The following RRP36 variants were observed in gnomAD, a reference collection of about 807,000 sequenced individuals.
RRP36 encodes ribosomal RNA processing 36, also known as ribosomal RNA processing protein 36 homolog.
Under a neutral mutation model 39.8 loss-of-function variants are expected in RRP36, and 44 were observed. That is an observed-to-expected ratio of 1.10 (90% confidence interval 0.87 to 1.42). RRP36 has a LOEUF of 1.42. RRP36 is among the 40% of genes most tolerant of loss of function. The pLI is 0.00. For synonymous variants in RRP36, 124 were observed against 123.1 expected (o/e 1.01, Z -0.05); for missense variants, 316 against 322.4 (o/e 0.98, Z 0.15).
chr6:43,027,086 A>G (rs989320439), intron 4 of RRP36, 92 bp from the exon 5 acceptor site: 14 of 1,062,552 alleles, frequency 1.3e-5, no homozygotes, highest in Non-Finnish European at 1.9e-5. Context: ...GTGTGTGTGT[A>G]TGTGTGTGAA....
intron 1 of RRP36, among the ~76,000 whole-genome samples, chr6:43,024,565 G>A (rs1762777179): frequency 6.6e-6 from 1 of 152,180 alleles, no homozygotes; most frequent in Non-Finnish European, 1.5e-5. Context: ...GCTTTGAGAG[G>A]AGTGAGGCTG....
rs781279874 is a variant in RRP36, at chr6:43,025,024, A to C, written c.170A>C (p.Gln57Pro). ...TCATTTGAGGAGCTGTTGGAATTGC[A>C]GAGCCAAGTGGGGACTAAGACGTAC... The part of the protein sequence containing the change: ...NMSFEELLEL[Q>P]SQVGTKTYKQ... The change falls in exon 2 of 7, where the codon CAG (glutamine) becomes CCG (proline). Residue 57 changes from glutamine (Q) to proline (P), a missense_variant. Gln to Pro is a moderately conservative substitution (Grantham distance 76). Transcript: ENST00000244496. 1 of 1,614,204 alleles carries C rather than the reference A, an allele frequency of 6.2e-7. No individual in the cohort carries two copies.
chr6:43,027,670 C>T (rs1581887756), intron 6 of RRP36, among the ~76,000 whole-genome samples, 193 bp downstream of exon 6: 1 of 149,562 alleles, frequency 6.7e-6, no homozygotes, highest in Admixed American at 6.8e-5. Flanking sequence ...TCATGGCAGG[C>T]ATTGTCACCT....
Position 43,029,264 on chromosome 6 carries a change from G to A in RRP36, c.*36G>A, listed in dbSNP as rs990858416. 6 of 1,609,006 alleles carry A rather than the reference G, an allele frequency of 3.7e-6. No individual in the cohort carries two copies. Among genetic ancestry groups the A allele is most frequent in the Non-Finnish European group, 4.3e-6 (5 of 1,176,048 alleles). ...TCCTCTGCTCTGCCACTGCCCCAGGGAGACATGGATCTGTGAGGACAGATT... is the reference window on the plus strand; with the variant it reads ...TCCTCTGCTCTGCCACTGCCCCAGGAAGACATGGATCTGTGAGGACAGATT... On this transcript the variant is annotated 3_prime_UTR_variant, in exon 7 of 7. Coordinates refer to ENST00000244496, the MANE Select transcript of RRP36 (RefSeq NM_033112.4).
intron 1 of RRP36, 57 bp from the exon 2 acceptor site, chr6:43,024,928 T>A: frequency 6.3e-7 from 1 of 1,597,978 alleles, no homozygotes. Flanking sequence ...TGGGAAGATG[T>A]CTTTTCTGCA....
chr6:43,025,187 G>T lies in RRP36; in HGVS notation c.278+55G>T. 8 of 1,612,638 alleles carry T rather than the reference G, an allele frequency of 5.0e-6. 1 individual carries two copies. In the South Asian group the frequency reaches 8.8e-5, roughly 18 times the overall value. Reference sequence around the variant, plus strand: ...GATAACTGGGACCTTGAATAGGTATGTTGTCTTGGGTGACAGGTGGGAAGC... The same window carrying T: ...GATAACTGGGACCTTGAATAGGTATTTTGTCTTGGGTGACAGGTGGGAAGC... On this transcript the variant is annotated intron_variant, in intron 2 of 6. Transcript: ENST00000244496.
chr6:43,025,622 CAA>C (rs1219326852), intron 3 of RRP36, among the ~76,000 whole-genome samples: 17,895 of 62,878 alleles, frequency 0.28, 1,671 homozygotes, highest in African/African-American at 0.49. Flanking sequence ...GACTCTGTCT[CAA>C]AAAAAAAAAA....
Position 43,029,101 on chromosome 6 carries a change from G to A in RRP36, c.653G>A (p.Arg218His), listed in dbSNP as rs763256930. 22 of 1,614,080 alleles carry A rather than the reference G, an allele frequency of 1.4e-5. No homozygotes were observed. In the Admixed American group the frequency reaches 1.5e-4, roughly 11 times the overall value. The change falls in exon 7 of 7, where the codon CGC becomes CAC. Residue 218 changes from arginine to histidine, a missense_variant. Arg to His is a conservative substitution (Grantham distance 29). Coordinates refer to ENST00000244496, the MANE Select transcript of RRP36 (RefSeq NM_033112.4). Reference sequence around the variant, plus strand: ...TCTCCCTGTCATTTAGCTGAGCAGCGCCAGTTGGCACTAGCTGAGAAGTTC... The same window carrying A: ...TCTCCCTGTCATTTAGCTGAGCAGCACCAGTTGGCACTAGCTGAGAAGTTC... ...RPYFLKKSEQ[R>H]QLALAEKFKE... is the part of the protein sequence containing the mutation.
intron 1 of RRP36, 87 bp from the exon 2 acceptor site, chr6:43,024,898 A>C: frequency 2.7e-5 from 39 of 1,441,786 alleles, no homozygotes; most frequent in Non-Finnish European, 3.6e-5. Flanking sequence ...TATTAGGATT[A>C]GCTAGCTAAG....
chr6:43,029,317 C>A lies in RRP36; in HGVS notation c.*89C>A. On this transcript the variant is annotated 3_prime_UTR_variant, in exon 7 of 7. Transcript: ENST00000244496. ...GCCACGGCTGGTTTCCGTTCAAGGGCAAGGATCACAGCTGCCCTTGAATCT... is the reference window on the plus strand; with the variant it reads ...GCCACGGCTGGTTTCCGTTCAAGGGAAAGGATCACAGCTGCCCTTGAATCT... 2.0e-6 allele frequency: 3 copies of A among 1,479,824 alleles called. No individual in the cohort carries two copies. The highest frequency in any genetic ancestry group is 2.8e-6 in the Non-Finnish European group (3 of 1,074,120). 91.7% of individuals were successfully genotyped at this position (1,479,824 alleles called of 1,614,324 possible). A position where few individuals can be genotyped will look rare whatever the true frequency, so the allele number is the denominator to read the frequency against.
rs371518613 is a variant in RRP36 at position 43,025,293 on chromosome 6, A to G, written c.309A>G (p.Val103=). ...TGGAAATGTCAGCCAAGATCCGAGT[A>G]CCATTTTTACGTCAGGTTGTTCCCA... ...RPLEMSAKIR[V]PFLRQVVPIS... Residue 103 remains valine (V), a synonymous_variant, in exon 3 of 7, where the codon GTA becomes GTG. Transcript: ENST00000244496. The G allele has an allele frequency of 1.1e-5, 18 of 1,613,970 alleles. No individual in the cohort carries two copies. The highest frequency in any genetic ancestry group is 1.5e-5 in the Non-Finnish European group (18 of 1,180,036).
At position 43,027,470 on chromosome 6, in the gene RRP36, G is replaced by C. The variant is rs913015407; in HGVS notation, c.636G>C (p.Leu212=). ...QAQQGHRPYF[L]KKSEQRQLAL... ...AGCAGGGCCATCGGCCATACTTCCT[G>C]AAAAAATGTGAGTTGGGCACAACTG... The change falls in exon 6 of 7, where the codon CTG becomes CTC. Residue 212 remains leucine (L), a synonymous_variant. Transcript: ENST00000244496. 6.2e-7 allele frequency: 1 copy of C among 1,612,908 alleles called. No homozygotes were observed. The highest frequency in any genetic ancestry group is 2.2e-5 in the East Asian group (1 of 44,890).
intron 6 of RRP36, among the ~76,000 whole-genome samples, chr6:43,027,917 C>CAT (rs36117769): frequency 0.26 from 39,249 of 151,740 alleles, 7,658 homozygotes; most frequent in African/African-American, 0.55. Flanking sequence ...CACACACACA[C>CAT]ACACAATCAG....
chr6:43,027,006 C>T, intron 4 of RRP36, 172 bp from the exon 5 acceptor site: 1 of 542,986 alleles, frequency 1.8e-6, no homozygotes, highest in Non-Finnish European at 3.2e-6. Flanking sequence ...GCGGAGGTTG[C>T]AGTGAGCCAA....
chr6:43,024,945 C>A (rs747230350), intron 1 of RRP36, 40 bp from the exon 2 acceptor site: 22 of 1,609,020 alleles, frequency 1.4e-5, no homozygotes, highest in Non-Finnish European at 1.6e-5. Context: ...TGCAGTGGGA[C>A]ATGCTGAGCT....
At chr6:43,025,172 A>C in intron 2 of RRP36, 40 bp downstream of exon 2, 1 of 1,613,346 alleles carries the variant, frequency 6.2e-7, no homozygotes. Flanking sequence ...GATAACTGGG[A>C]CCTTGAATAG....
chr6:43,027,007 A>C (rs1481847187), intron 4 of RRP36, 171 bp from the exon 5 acceptor site: 3 of 547,358 alleles, frequency 5.5e-6, no homozygotes, highest in Non-Finnish European at 9.6e-6. Flanking sequence ...CGGAGGTTGC[A>C]GTGAGCCAAG....
chr6:43,021,798 G>A lies in RRP36; in HGVS notation c.130+14G>A. The A allele has an allele frequency of 1.0e-6, 1 of 996,092 alleles. No homozygotes were observed. The highest frequency in any genetic ancestry group is 1.3e-6 in the Non-Finnish European group (1 of 783,092). 61.7% of individuals were successfully genotyped at this position (996,092 alleles called of 1,614,324 possible). The stretch of plus-strand genomic sequence containing the variant: ...ACCTATTGAGGGGTGAGGGCATGGG[G>A]CAGGGCGGGCTGGGGAGGGGAAGGA... On this transcript the variant is annotated intron_variant, in intron 1 of 6. Transcript: ENST00000244496.
intron 1 of RRP36, 27 bp downstream of exon 1, chr6:43,021,811 G>A: frequency 8.4e-7 from 1 of 1,195,822 alleles, no homozygotes; most frequent in Non-Finnish European, 1.0e-6. Flanking sequence ...GGGCGGGCTG[G>A]GGAGGGGAAG....
Sources: allele counts gnomAD v4.1 joint callset (sites outside exome capture counted in the v4.1 genomes callset), GRCh38; gene constraint gnomAD v4.1.1; transcripts MANE v1.5; gene names NCBI Gene and HGNC (gene_info 2026-07-23, HGNC 2026-07-21).